The following APOL5 variants were observed in gnomAD, a reference collection of about 807,000 sequenced individuals.
APOL5 encodes the protein apolipoprotein L, 5.
Under a neutral mutation model 35.5 loss-of-function variants are expected in APOL5, and 29 were observed. The observed-to-expected ratio is 0.82, with a 90% confidence interval of 0.61 to 1.11. The LOEUF (loss-of-function observed/expected upper bound fraction) is 1.11, where lower values mean the gene tolerates loss of function less well. Ranked by LOEUF, APOL5 falls within the 50% of genes most tolerant of loss-of-function variation. The pLI, the probability that APOL5 is intolerant of heterozygous loss-of-function variation, is 0.00. For missense variants in APOL5, 514 were observed against 530.4 expected (o/e 0.97, Z 0.30); for synonymous variants, 188 against 200.2 (o/e 0.94, Z 0.51).
At chr22:35,708,521 G>A in the APOL5 span, among the ~76,000 whole-genome samples, 1 of 152,174 alleles carries the variant, frequency 6.6e-6, no homozygotes, top group African/African-American at 2.4e-5. Context: ...AGGTCTCCAG[G>A]GAATGATTTA....
intron 3 of APOL5, 68 bp from the exon 4 acceptor site, chr22:35,728,655 G>C (rs1927261041): frequency 2.6e-6 from 4 of 1,539,682 alleles, no homozygotes; most frequent in South Asian, 2.5e-5. Flanking sequence ...ACATATTTGA[G>C]CTTCTGAACG....
the APOL5 span, among the ~76,000 whole-genome samples, chr22:35,711,583 T>C: frequency 2.9e-5 from 3 of 103,510 alleles, no homozygotes; most frequent in Admixed American, 2.9e-4. Context: ...GTCCACAATA[T>C]ATATTTCACC....
At chr22:35,722,228 T>C (rs1926996192) in intron 2 of APOL5, among the ~76,000 whole-genome samples, 1 of 152,222 alleles carries the variant, frequency 6.6e-6, no homozygotes, top group Non-Finnish European at 1.5e-5. Context: ...GCTTGTACAA[T>C]GTTAACCTCT....
chr22:35,713,774 C>G (rs951211804), upstream of APOL5, among the ~76,000 whole-genome samples: 2 of 152,166 alleles, frequency 1.3e-5, no homozygotes, highest in African/African-American at 4.8e-5. Context: ...CTCTTGACCC[C>G]AGCTCACTGT....
Position 35,726,988 on chromosome 22 carries a change from T to C in APOL5, c.920T>C (p.Met307Thr), listed in dbSNP as rs1217981530. 1.9e-6 allele frequency: 3 copies of C among 1,614,108 alleles called. No homozygotes were observed. The highest frequency in any genetic ancestry group is 1.1e-5 in the South Asian group (1 of 91,088). The change falls in exon 3 of 5, where the codon ATG becomes ACG. Residue 307 changes from methionine (M) to threonine (T), a missense_variant. Met to Thr is a moderately conservative substitution (Grantham distance 81). Transcript: ENST00000249044. ...GCTGGCTTCTTACTTATGAAAGACA[T>C]GAGCAGCTTCCTGCAGAGCTGGAAG... is the stretch of plus-strand genomic sequence containing the variant. ...AGAGFLLMKD[M>T]SSFLQSWKHL... is the part of the protein sequence containing the mutation.
chr22:35,719,054 C>CAA (rs1226506637), intron 1 of APOL5, among the ~76,000 whole-genome samples: 4 of 78,458 alleles, frequency 5.1e-5, no homozygotes, highest in Non-Finnish European at 7.9e-5. Context: ...GAGACCGTCT[C>CAA]AAAAATAATA....
At chr22:35,713,587 C>T (rs564821849), upstream of APOL5, among the ~76,000 whole-genome samples, 3 of 152,346 alleles carry the variant, frequency 2.0e-5, no homozygotes, top group South Asian at 4.1e-4. Flanking sequence ...CGCCACTCAT[C>T]GCCTCTCTGA....
At chr22:35,717,772 A>AAG, upstream of APOL5, 1 of 697,252 alleles carries the variant, frequency 1.4e-6, no homozygotes, top group Non-Finnish European at 2.1e-6. Flanking sequence ...AGAAAAGAAA[A>AAG]AAAAATAGGT....
At position 35,720,579 on chromosome 22, in the gene APOL5, G is replaced by A. The variant is rs1181962264; in HGVS notation, c.67G>A (p.Gly23Ser). 7.4e-6 allele frequency: 12 copies of A among 1,614,038 alleles called. No homozygotes were observed. The highest frequency in any genetic ancestry group is 5.5e-5 in the South Asian group (5 of 91,074). ...TTGTCCATCTCCAGGCTTGGGAGAA[G>A]GTTGTAAAGAAATGTGGCTTCGAAA... ...GSKVLPGLGEGCKEMWLRKVI... is the reference protein window; with the variant it reads ...GSKVLPGLGESCKEMWLRKVI... Residue 23 changes from glycine to serine, a missense_variant, in exon 2 of 5, where the codon GGT (glycine) becomes AGT (serine). Physicochemically the swap from Gly to Ser is moderately conservative, Grantham distance 56. This residue lies in a region of APOL5 where 254 missense variants were observed against 254.7 expected (regional missense o/e 1.00). Coordinates refer to ENST00000249044, the MANE Select transcript of APOL5 (RefSeq NM_030642.1).
chr22:35,721,988 A>G (rs1281457418), intron 2 of APOL5, among the ~76,000 whole-genome samples: 4 of 152,220 alleles, frequency 2.6e-5, no homozygotes, highest in African/African-American at 9.7e-5. Flanking sequence ...ACACAGGTAC[A>G]GTTATTGACT....
At position 35,720,672 on chromosome 22, in the gene APOL5, G is replaced by A; in HGVS notation, c.142+18G>A. The A allele has an allele frequency of 6.5e-7, 1 of 1,550,198 alleles. No individual in the cohort carries two copies. Among genetic ancestry groups the A allele is most frequent in the South Asian group, 1.1e-5 (1 of 88,760 alleles). ...TGAGTTCCGTGAGGGCAGAGAACAG[G>A]CTGTTATGCTTATGGCCACAATCCC... On this transcript the variant is annotated intron_variant, in intron 2 of 4. Transcript: ENST00000249044.
intron 2 of APOL5, among the ~76,000 whole-genome samples, chr22:35,724,053 T>A (rs1927062846): frequency 6.6e-6 from 1 of 152,226 alleles, no homozygotes; most frequent in African/African-American, 2.4e-5. Flanking sequence ...GATTTGTGGT[T>A]GTCTTCTTGG....
chr22:35,713,802 G>A (rs1393000364), upstream of APOL5, among the ~76,000 whole-genome samples: 3 of 152,188 alleles, frequency 2.0e-5, no homozygotes, highest in African/African-American at 7.2e-5. Context: ...TACAACGGGA[G>A]ATGCTAGAGA....
chr22:35,728,594 G>T, intron 3 of APOL5, 129 bp from the exon 4 acceptor site: 2 of 1,040,912 alleles, frequency 1.9e-6, no homozygotes, highest in Non-Finnish European at 2.7e-6. Context: ...CTGCCCTGGG[G>T]CGGGAGGGGT....
upstream of APOL5, among the ~76,000 whole-genome samples, chr22:35,716,748 C>CA (rs1463088639): frequency 1.4e-5 from 1 of 71,336 alleles, no homozygotes; most frequent in Non-Finnish European, 2.8e-5. Context: ...ATATATAGTA[C>CA]TTAAAAAAAA....
chr22:35,715,675 A>T (rs77302226), upstream of APOL5, among the ~76,000 whole-genome samples: 3,797 of 152,160 alleles, frequency 0.025, 156 homozygotes, highest in African/African-American at 0.087. Context: ...ATACATACAT[A>T]AAAAAACAAA....
At chr22:35,710,797 C>T in the APOL5 span, among the ~76,000 whole-genome samples, 4 of 152,134 alleles carry the variant, frequency 2.6e-5, no homozygotes, top group Admixed American at 6.6e-5. Flanking sequence ...AATCCTACGG[C>T]GTGTGTCCTT....
chr22:35,719,062 AT>A (rs67987043), intron 1 of APOL5, among the ~76,000 whole-genome samples: 35,303 of 151,436 alleles, frequency 0.23, 4,880 homozygotes, highest in Non-Finnish European at 0.32. Context: ...CTCAAAAATA[AT>A]AATAATAATA....
At chr22:35,715,077 G>GT (rs1926703994), upstream of APOL5, among the ~76,000 whole-genome samples, 1 of 152,192 alleles carries the variant, frequency 6.6e-6, no homozygotes, top group Non-Finnish European at 1.5e-5. Context: ...AGATGATGTT[G>GT]TTTGACCTCT....
Sources: allele counts gnomAD v4.1 joint callset (sites outside exome capture counted in the v4.1 genomes callset), GRCh38; gene constraint gnomAD v4.1.1; regional missense constraint gnomAD v4.1.1; transcripts MANE v1.5; gene names NCBI Gene and HGNC (gene_info 2026-07-23, HGNC 2026-07-21).